The following FER variants were observed in gnomAD, a reference collection of about 807,000 sequenced individuals.
FER encodes the protein tyrosine-protein kinase Fer.
A neutral mutation model predicts 111.0 loss-of-function variants in FER; 63 were observed. The observed-to-expected ratio is 0.57, with a 90% CI of 0.46 to 0.70. FER has a LOEUF of 0.70. Among genes scored for constraint, FER ranks in the 30% least tolerant of loss-of-function variants. FER has a pLI of 0.00. For missense variants in FER, 914 were observed against 954.0 expected (o/e 0.96, Z 0.55); for synonymous variants, 327 against 313.9 (o/e 1.04, Z -0.44).
In FER at chr5:109,037,478, G is replaced by A. The variant is rs567455986; in HGVS notation, c.1713G>A (p.Lys571=). 3.1e-6 allele frequency: 5 copies of A among 1,611,020 alleles called. No homozygotes were observed. In the South Asian group the frequency reaches 5.5e-5, roughly 18 times the overall value. Residue 571 remains lysine (K), a splice_region_variant and synonymous_variant, in exon 14 of 20, where the codon AAG becomes AAA. Transcript: ENST00000281092. ...EDVILGELLG[K]GNFGEVYKGT... is the part of the protein sequence containing the mutation. ...TCATATTGGGAGAATTACTGGGCAA[G>A]GTATGTAATCAACTGAGCTAAATAA...
intron 16 of FER, among the ~76,000 whole-genome samples, chr5:109,090,299 C>G (rs1307014227): frequency 1.3e-5 from 2 of 152,190 alleles, no homozygotes; most frequent in Admixed American, 1.3e-4. Flanking sequence ...GTCACATCCC[C>G]CCAAAAAGAG....
intron 3 of FER, among the ~76,000 whole-genome samples, chr5:108,821,854 A>T (rs112648318): frequency 5.4e-4 from 82 of 152,172 alleles, no homozygotes; most frequent in African/African-American, 1.5e-3. Flanking sequence ...TCTTTTCATG[A>T]GGAGAACACT....
intron 17 of FER, among the ~76,000 whole-genome samples, chr5:109,171,885 G>A (rs1391700358): frequency 6.6e-6 from 1 of 152,152 alleles, no homozygotes; most frequent in Non-Finnish European, 1.5e-5. Context: ...AATTTGATAT[G>A]TTCATCATCA....
intron 3 of FER, among the ~76,000 whole-genome samples, chr5:108,816,719 G>A (rs760755668): frequency 3.7e-4 from 56 of 152,090 alleles, no homozygotes; most frequent in Non-Finnish European, 7.6e-4. Context: ...TAGTTGTGGA[G>A]CTTTAAAGTA....
chr5:108,974,611 G>T (rs1761096131), intron 13 of FER, among the ~76,000 whole-genome samples: 1 of 152,204 alleles, frequency 6.6e-6, no homozygotes, highest in Admixed American at 6.5e-5. Flanking sequence ...AAGGAATTTT[G>T]CAGATGTGAC....
chr5:109,187,720 C>T lies in FER; in HGVS notation c.*145C>T, dbSNP rs746743896. 91 of 1,059,438 alleles carry T rather than the reference C, an allele frequency of 8.6e-5. No individual in the cohort carries two copies. The highest frequency in any genetic ancestry group is 1.1e-4 in the Non-Finnish European group (79 of 747,830). The allele number at this position is 1,059,438 out of a possible 1,614,324, so 65.6% of individuals were successfully genotyped here. A position where few individuals can be genotyped will look rare whatever the true frequency, so the allele number is the denominator to read the frequency against. Reference sequence around the variant, plus strand: ...TTATTAACTGGGTGTTTTAAAAGTACGTTCCACTTGTAAAAAGTCAAAGGC... The same window carrying T: ...TTATTAACTGGGTGTTTTAAAAGTATGTTCCACTTGTAAAAAGTCAAAGGC... On this transcript the variant is annotated 3_prime_UTR_variant, in exon 20 of 20. Coordinates refer to ENST00000281092, the MANE Select transcript of FER (RefSeq NM_005246.4).
chr5:108,870,711 T>A (rs1424632514), intron 6 of FER, among the ~76,000 whole-genome samples: 1 of 152,184 alleles, frequency 6.6e-6, no homozygotes, highest in Non-Finnish European at 1.5e-5. Context: ...CTGTCTACAC[T>A]TGCTGTTGAC....
chr5:108,849,766 C>T (rs1762373813), intron 5 of FER, among the ~76,000 whole-genome samples: 1 of 152,092 alleles, frequency 6.6e-6, no homozygotes, highest in South Asian at 2.1e-4. Context: ...ACTCATTAGA[C>T]TGGGTCTCAT....
At chr5:109,147,796 TATATAGAG>T (rs1330177538) in intron 17 of FER, among the ~76,000 whole-genome samples, 4,090 of 117,936 alleles carry the variant, frequency 0.035, 70 homozygotes, top group African/African-American at 0.077. Flanking sequence ...TATATATATA[TATATAGAG>T]AGAGAGAGAG....
intron 13 of FER, among the ~76,000 whole-genome samples, chr5:108,995,766 C>T (rs1763904980): frequency 6.6e-6 from 1 of 152,096 alleles, no homozygotes; most frequent in South Asian, 2.1e-4. Context: ...ATTTATAATC[C>T]TTTGGGTAGA....
intron 18 of FER, among the ~76,000 whole-genome samples, chr5:109,185,828 G>A (rs961699593): frequency 1.3e-5 from 2 of 152,130 alleles, no homozygotes; most frequent in South Asian, 2.1e-4. Context: ...TGAGAAATGC[G>A]TCGTTACGCA....
At position 109,180,778 on chromosome 5, in the gene FER, G is replaced by T. The variant is rs1252160862; in HGVS notation, c.2080G>T (p.Glu694Ter). The T allele has an allele frequency of 6.2e-7, 1 of 1,613,368 alleles. No homozygotes were observed. Among genetic ancestry groups the T allele is most frequent in the African/African-American group, 1.3e-5 (1 of 74,908 alleles). The change falls in exon 18 of 20, where the codon GAA (glutamate) becomes TAA (stop). Residue 694 changes from glutamate (E) to a stop codon, truncating the protein, a stop_gained. Coordinates refer to ENST00000281092, the MANE Select transcript of FER (RefSeq NM_005246.4). LOFTEE classifies it high-confidence loss of function. Reference protein sequence around the residue: ...DLAARNCLVGENNVLKISDFG... With the variant: ...DLAARNCLVG ...TGCTGCAAGAAACTGCCTGGTAGGT[G>T]AAAATAATGTTCTGAAAATCAGTGA...
intron 13 of FER, among the ~76,000 whole-genome samples, chr5:108,991,482 G>T (rs1033459511): frequency 5.9e-5 from 9 of 152,004 alleles, no homozygotes; most frequent in African/African-American, 2.2e-4. Flanking sequence ...ATGAAAAGAT[G>T]TATCATTAAA....
At chr5:108,895,335 C>T (rs1358960206) in intron 9 of FER, among the ~76,000 whole-genome samples, 1 of 152,144 alleles carries the variant, frequency 6.6e-6, no homozygotes, top group African/African-American at 2.4e-5. Flanking sequence ...TAGCAAATTG[C>T]CACGAGTACA....
intron 9 of FER, among the ~76,000 whole-genome samples, chr5:108,893,162 G>A (rs1219161042): frequency 6.6e-6 from 1 of 151,996 alleles, no homozygotes; most frequent in Non-Finnish European, 1.5e-5. Context: ...CTCTTTTTTG[G>A]TTCCATATGA....
chr5:109,060,506 A>T (rs1427508715), intron 16 of FER, among the ~76,000 whole-genome samples: 1 of 152,012 alleles, frequency 6.6e-6, no homozygotes, highest in Non-Finnish European at 1.5e-5. Context: ...CAACATGGTG[A>T]AACCCTGTCT....
chr5:109,038,200 A>G (rs531086439), intron 14 of FER, among the ~76,000 whole-genome samples: 122 of 152,038 alleles, frequency 8.0e-4, no homozygotes, highest in African/African-American at 2.8e-3. Flanking sequence ...GTTCCAATGA[A>G]TAAGTATTCA....
intron 10 of FER, among the ~76,000 whole-genome samples, chr5:108,907,033 C>T (rs1007009418): frequency 1.3e-5 from 2 of 152,054 alleles, no homozygotes; most frequent in Admixed American, 6.6e-5. Context: ...TGGATTTTCA[C>T]CCGCTAAACT....
intron 13 of FER, among the ~76,000 whole-genome samples, chr5:109,004,510 A>C (rs923174966): frequency 6.6e-6 from 1 of 152,254 alleles, no homozygotes; most frequent in African/African-American, 2.4e-5. Flanking sequence ...ATAAATTTAT[A>C]TGAAAGGATA....
Sources: allele counts gnomAD v4.1 joint callset (sites outside exome capture counted in the v4.1 genomes callset), GRCh38; gene constraint gnomAD v4.1.1; transcripts MANE v1.5; gene names NCBI Gene and HGNC (gene_info 2026-07-23, HGNC 2026-07-21).